TNRC6C: variants seen among roughly 807,000 people sequenced by gnomAD.
TNRC6C encodes the protein trinucleotide repeat containing adaptor 6C.
A neutral mutation model predicts 153.7 loss-of-function variants in TNRC6C; 20 were observed. The observed-to-expected ratio is 0.13, with a 90% CI of 0.09 to 0.19. The LOEUF (loss-of-function observed/expected upper bound fraction) is 0.19, where lower values mean the gene tolerates loss of function less well. Among genes scored for constraint, TNRC6C ranks in the 10% least tolerant of loss-of-function variants. TNRC6C has a pLI of 1.00. For synonymous variants in TNRC6C, 811 were observed against 841.4 expected, an observed-to-expected ratio of 0.96 and a Z score of 0.63; for missense variants, 1,987 against 2,172.0, an observed-to-expected ratio of 0.91 and a Z score of 1.69.
At chr17:78,051,126 A>G in exon 3 of TNRC6C, 1 of 1,584,346 alleles carries the variant, frequency 6.3e-7, no homozygotes, top group Non-Finnish European at 8.6e-7. Flanking sequence ...TGAAACAGAC[A>G]GGAACAGGGT....
intron 2 of TNRC6C, among the ~76,000 whole-genome samples, chr17:78,042,823 C>T (rs1401324150): frequency 2.0e-5 from 3 of 149,360 alleles, no homozygotes; most frequent in South Asian, 2.2e-4. Flanking sequence ...TGGTGATGGT[C>T]GTAACAGTGG....
In TNRC6C at chr17:77,995,428, A is replaced by G. The variant is rs540428416; in HGVS notation, c.-37-8742A>G. On this transcript the variant is annotated intron_variant, in intron 1 of 22. Transcript: ENST00000636222. ...AGCTGAACATCATGCCAGCTGGCAA[A>G]GGAAAAATAGTTAAAGGTCACAGAT... Among the ~76,000 whole-genome samples, 8 of 152,366 alleles carry G rather than the reference A, an allele frequency of 5.3e-5. No homozygotes were observed. In the East Asian group the frequency reaches 1.5e-3, roughly 29 times the overall value.
intron 16 of TNRC6C, 141 bp from the exon 20 acceptor site, chr17:78,098,202 C>A: frequency 1.1e-6 from 1 of 874,310 alleles, no homozygotes; most frequent in Non-Finnish European, 1.7e-6. Context: ...CTTGAGTTTG[C>A]CAGGGGCTTG....
At chr17:78,000,057 G>A (rs769916004), upstream of TNRC6C, among the ~76,000 whole-genome samples, 27 of 152,156 alleles carry the variant, frequency 1.8e-4, no homozygotes, top group Non-Finnish European at 4.0e-4. Flanking sequence ...TGGTCCTGTT[G>A]GTCAGAGCCA....
At chr17:78,073,047 C>G in exon 7 of TNRC6C, 1 of 1,555,436 alleles carries the variant, frequency 6.4e-7, no homozygotes, top group Non-Finnish European at 8.7e-7. Context: ...AGAGAGCCAG[C>G]TGAGGAGGCC....
exon 3 of TNRC6C, chr17:78,050,794 A>C: frequency 1.2e-6 from 2 of 1,610,944 alleles, no homozygotes; most frequent in Non-Finnish European, 1.7e-6. Context: ...TCCAAAGCCC[A>C]AATCCCAACA....
At chr17:78,000,625 C>G (rs1289600649), upstream of TNRC6C, among the ~76,000 whole-genome samples, 1 of 62,996 alleles carries the variant, frequency 1.6e-5, no homozygotes, top group Non-Finnish European at 3.6e-5. Flanking sequence ...TCCGCCCCCC[C>G]CCCCCCACAC....
chr17:77,959,067 C>T (rs1402990732), upstream of TNRC6C, among the ~76,000 whole-genome samples: 1 of 144,488 alleles, frequency 6.9e-6, no homozygotes, highest in Admixed American at 6.8e-5. Flanking sequence ...CGGGACGCGC[C>T]GCCGCCCACT....
rs554970495 is a variant in TNRC6C, at chr17:78,059,954, C to G, written c.2396-4768C>G. Among the ~76,000 whole-genome samples the G allele has an allele frequency of 5.3e-5, 8 of 151,882 alleles. No homozygotes were observed. The South Asian group carries it at 1.5e-3, about 28-fold the overall frequency. ...CTGTATTAGTATCGTGAAATCAAAA[C>G]TGTATAAGATGGTTTTCCTTTTCTA... On this transcript the variant is annotated intron_variant, in intron 3 of 19. Transcript: ENST00000301624.
chr17:78,076,153 T>C (rs1598762356), intron 8 of TNRC6C, among the ~76,000 whole-genome samples: 1 of 150,996 alleles, frequency 6.6e-6, no homozygotes, highest in South Asian at 2.1e-4. Flanking sequence ...GAGGCGGAGG[T>C]TGCAGTAAGC....
rs1183996131 is a variant in TNRC6C at position 77,989,141 on chromosome 17, A to T, written c.-37-15029A>T. Among the ~76,000 whole-genome samples the T allele has an allele frequency of 2.6e-5, 4 of 152,348 alleles. No homozygotes were observed. The East Asian group carries it at 7.7e-4, about 29-fold the overall frequency. Reference sequence around the variant, plus strand: ...GGCAGTTCTGAAGAAGGGAGGGACCAGCCCCTTGGCAGACCTTTGGAAGGA... The same window carrying T: ...GGCAGTTCTGAAGAAGGGAGGGACCTGCCCCTTGGCAGACCTTTGGAAGGA... On this transcript the variant is annotated intron_variant, in intron 1 of 22. Transcript: ENST00000636222.
At chr17:78,083,084 T>C (rs764933134) in exon 11 of TNRC6C, 3 of 1,614,006 alleles carry the variant, frequency 1.9e-6, no homozygotes, top group East Asian at 2.2e-5. Flanking sequence ...GCAAAAAACA[T>C]TGGTCTCAAC....
At chr17:78,102,449 A>G (rs763849906) in intron 17 of TNRC6C, 25 bp from the exon 21 acceptor site, 23 of 1,596,384 alleles carry the variant, frequency 1.4e-5, no homozygotes, top group Admixed American at 3.5e-5. Flanking sequence ...GGCCTTGTCA[A>G]CCAGGTTCTC....
At chr17:78,011,289 C>T (rs2071624866) in intron 1 of TNRC6C, among the ~76,000 whole-genome samples, 1 of 152,204 alleles carries the variant, frequency 6.6e-6, no homozygotes, top group South Asian at 2.1e-4. Flanking sequence ...AGATGACACC[C>T]ATCATCCCTG....
At chr17:78,057,275 T>C (rs1419019282) in intron 3 of TNRC6C, among the ~76,000 whole-genome samples, 1 of 152,212 alleles carries the variant, frequency 6.6e-6, no homozygotes, top group African/African-American at 2.4e-5. Flanking sequence ...ACCTGTGATG[T>C]TTAACTCTCA....
At chr17:78,004,145 T>A, upstream of TNRC6C, 1 of 1,231,770 alleles carries the variant, frequency 8.1e-7, no homozygotes, top group Non-Finnish European at 1.0e-6. Context: ...ATCAAACTTA[T>A]ACTAGTTTTC....
intron 3 of TNRC6C, 117 bp from the exon 6 acceptor site, chr17:78,064,605 A>T: frequency 1.0e-6 from 1 of 961,808 alleles, no homozygotes. Context: ...TTTCTACTAA[A>T]GGCTATTCTA....
chr17:78,092,926 C>A lies in TNRC6C; in HGVS notation c.3971-7C>A, dbSNP rs369940560. 9 of 1,612,784 alleles carry A rather than the reference C, an allele frequency of 5.6e-6. No individual in the cohort carries two copies. Among genetic ancestry groups the A allele is most frequent in the East Asian group, 2.2e-5 (1 of 44,866 alleles). On this transcript the variant is annotated splice_region_variant and splice_polypyrimidine_tract_variant and intron_variant, in intron 14 of 19. Coordinates refer to ENST00000301624, the Ensembl canonical transcript of TNRC6C. ...ACTCGCTTCTTTGTTTCCTATTGTCCCCATAGGTGCTATCCCTGGAGGTCT... is the reference window on the plus strand; with the variant it reads ...ACTCGCTTCTTTGTTTCCTATTGTCACCATAGGTGCTATCCCTGGAGGTCT...
intron 2 of TNRC6C, among the ~76,000 whole-genome samples, chr17:78,032,221 T>C (rs2072090364): frequency 6.6e-6 from 1 of 152,232 alleles, no homozygotes; most frequent in African/African-American, 2.4e-5. Flanking sequence ...CAAGCATTTT[T>C]TGCAGGGAGG....
Sources: gnomAD v4.1 joint callset for allele counts (sites outside exome capture counted in the v4.1 genomes callset) on GRCh38, gnomAD v4.1.1 for gene constraint, MANE v1.5 for transcripts, NCBI Gene and HGNC (gene_info 2026-07-23, HGNC 2026-07-21) for gene names.